Variants in EFTUD2 observed in about 807,000 individuals in gnomAD.
EFTUD2 encodes elongation factor Tu GTP binding domain containing 2.
In EFTUD2, 9 loss-of-function variants were observed where a neutral mutation model predicts 114.3. The ratio of observed to expected loss-of-function variants is 0.08; its 90% CI spans 0.05 to 0.14. EFTUD2 has a LOEUF of 0.14. Among genes scored for constraint, EFTUD2 ranks in the 10% least tolerant of loss-of-function variants. EFTUD2 has a pLI of 1.00. For synonymous variants in EFTUD2, 449 were observed against 462.3 expected (o/e 0.97, Z 0.37); for missense variants, 765 against 1,241.2 (o/e 0.62, Z 5.76).
At position 44,852,490 on chromosome 17, in the gene EFTUD2, G is replaced by A. The variant is rs200422220; in HGVS notation, c.2634C>T (p.Ile878=). The part of the protein sequence containing the change: ...LYTIKAFIPA[I]DSFGFETDLR... ...GATCAGTCTCAAAGCCAAAAGAGTC[G>A]ATGGCCGGGATAAAAGCTTTGATGG... The change falls in exon 26 of 28, where the codon ATC becomes ATT. Residue 878 remains isoleucine (I), a synonymous_variant. Transcript: ENST00000426333. The A allele has an allele frequency of 1.1e-5, 17 of 1,614,090 alleles. No individual in the cohort carries two copies. The highest frequency in any genetic ancestry group is 8.0e-5 in the African/African-American group (6 of 75,012).
chr17:44,881,155 T>C (rs748148759), intron 7 of EFTUD2, among the ~76,000 whole-genome samples: 3 of 152,112 alleles, frequency 2.0e-5, no homozygotes, highest in Admixed American at 6.5e-5. Flanking sequence ...ACCATACTTA[T>C]TATACTTAAA....
intron 15 of EFTUD2, 195 bp from the exon 16 acceptor site, chr17:44,863,101 T>G: frequency 2.3e-6 from 1 of 427,472 alleles, no homozygotes; most frequent in East Asian, 3.4e-5. Context: ...AGCAAAAATA[T>G]TCTCCTCTTT....
chr17:44,852,465 G>C lies in EFTUD2; in HGVS notation c.2659C>G (p.Leu887Val). ...AIDSFGFETD[L>V]RTHTQGQAFS... Reference sequence around the variant, plus strand: ...GCTTGTCCCTGGGTGTGAGTCCGGAGATCAGTCTCAAAGCCAAAAGAGTCG... The same window carrying C: ...GCTTGTCCCTGGGTGTGAGTCCGGACATCAGTCTCAAAGCCAAAAGAGTCG... The change falls in exon 26 of 28, where the codon CTC becomes GTC. Residue 887 changes from leucine (L) to valine (V), a missense_variant. Leu to Val is a conservative substitution (Grantham distance 32, BLOSUM62 1). Coordinates refer to ENST00000426333, the MANE Select transcript of EFTUD2 (RefSeq NM_004247.4). The C allele has an allele frequency of 6.2e-7, 1 of 1,614,134 alleles. No homozygotes were observed. Among genetic ancestry groups the C allele is most frequent in the Non-Finnish European group, 8.5e-7 (1 of 1,180,030 alleles).
chr17:44,854,098 C>G lies in EFTUD2; in HGVS notation c.2347+171G>C. On this transcript the variant is annotated intron_variant, in intron 23 of 27. Coordinates refer to ENST00000426333, the MANE Select transcript of EFTUD2 (RefSeq NM_004247.4). This position sits in a 1 kb window ranked among gnomAD's most constrained non-coding sequence, Gnocchi z 4.3. ...CTTAAATTTCCATTTCCAGGCTACACCACCAGGATAAGGAAGGAAAAGGGA... is the reference window on the plus strand; with the variant it reads ...CTTAAATTTCCATTTCCAGGCTACAGCACCAGGATAAGGAAGGAAAAGGGA... 1.4e-6 allele frequency: 2 copies of G among 1,432,948 alleles called. No homozygotes were observed. Among genetic ancestry groups the G allele is most frequent in the Non-Finnish European group, 1.8e-6 (2 of 1,090,890 alleles). 88.8% of individuals were successfully genotyped at this position (1,432,948 alleles called of 1,614,324 possible).
intron 17 of EFTUD2, 146 bp downstream of exon 17, chr17:44,860,286 G>T: frequency 1.3e-6 from 1 of 749,096 alleles, no homozygotes; most frequent in Non-Finnish European, 2.3e-6. Context: ...ACTGAGTACA[G>T]GGAGAATCCA....
At position 44,850,672 on chromosome 17, in the gene EFTUD2, A is replaced by C. The variant is rs2050431535; in HGVS notation, c.*602T>G. 1 of 357,778 alleles carries C rather than the reference A, an allele frequency of 2.8e-6. No homozygotes were observed. 22.2% of individuals were successfully genotyped at this position (357,778 alleles called of 1,614,324 possible). On this transcript the variant is annotated 3_prime_UTR_variant, in exon 28 of 28. Transcript: ENST00000426333. The stretch of plus-strand genomic sequence containing the variant: ...TGATCGCAGGAACCCAACAACTCCC[A>C]AGCCATCTTAGGTTCCACCCAGAAG...
intron 11 of EFTUD2, among the ~76,000 whole-genome samples, chr17:44,871,408 C>T (rs867978434): frequency 6.6e-6 from 1 of 151,226 alleles, no homozygotes; most frequent in Admixed American, 6.6e-5. Context: ...GGCGTGATCT[C>T]AGCTCACTGC....
At chr17:44,862,103 ATCC>A (rs2050669754) in intron 16 of EFTUD2, among the ~76,000 whole-genome samples, 1 of 152,172 alleles carries the variant, frequency 6.6e-6, no homozygotes, top group South Asian at 2.1e-4. Flanking sequence ...AACAATGGAA[ATCC>A]TCCTACAAAA....
At chr17:44,882,268 T>C (rs905647705) in intron 6 of EFTUD2, among the ~76,000 whole-genome samples, 2 of 151,790 alleles carry the variant, frequency 1.3e-5, no homozygotes, top group African/African-American at 4.8e-5. Context: ...TTGTCTTTTT[T>C]TGAGATGGAG....
In EFTUD2 at chr17:44,854,465, C is replaced by A. The variant is rs995923170; in HGVS notation, c.2259+91G>T. ...GGGGATACTGTCCTTCACCAGAGGA[C>A]ACAAGATACTTTTGGGAAAAGAACA... is the stretch of plus-strand genomic sequence containing the variant. On this transcript the variant is annotated intron_variant, in intron 22 of 27. Coordinates refer to ENST00000426333, the MANE Select transcript of EFTUD2 (RefSeq NM_004247.4). The surrounding 1 kb of genome is among the most constrained non-coding windows in gnomAD (Gnocchi z 4.3). The A allele has an allele frequency of 2.5e-6, 4 of 1,578,882 alleles. No individual in the cohort carries two copies. Among genetic ancestry groups the A allele is most frequent in the Non-Finnish European group, 8.6e-7 (1 of 1,159,284 alleles).
At position 44,859,546 on chromosome 17, in the gene EFTUD2, C is replaced by T. The variant is rs888800301; in HGVS notation, c.1860+359G>A. The T allele has an allele frequency of 1.4e-5, 7 of 497,254 alleles. No homozygotes were observed. In the East Asian group the frequency reaches 2.4e-4, roughly 17 times the overall value. The allele number at this position is 497,254 out of a possible 1,614,324, so 30.8% of individuals were successfully genotyped here. A position where few individuals can be genotyped will look rare whatever the true frequency, so the allele number is the denominator to read the frequency against. ...GTGTACAAGGATCAGAGTAACAACTCACTTTTCCTTCTCTTCTCGAGAAAA... is the reference window on the plus strand; with the variant it reads ...GTGTACAAGGATCAGAGTAACAACTTACTTTTCCTTCTCTTCTCGAGAAAA... On this transcript the variant is annotated intron_variant, in intron 18 of 27. Transcript: ENST00000426333.
Position 44,850,345 on chromosome 17 carries a change from A to C in EFTUD2, c.*929T>G. The C allele has an allele frequency of 1.2e-6, 2 of 1,612,858 alleles. No homozygotes were observed. Among genetic ancestry groups the C allele is most frequent in the Non-Finnish European group, 8.5e-7 (1 of 1,179,204 alleles). On this transcript the variant is annotated 3_prime_UTR_variant, in exon 28 of 28. Coordinates refer to ENST00000426333, the MANE Select transcript of EFTUD2 (RefSeq NM_004247.4). ...TCTCTCACACAGGTGCTGTGTACAC[A>C]ATGTACAGCGATTACGTCAAGAGGA... is the stretch of plus-strand genomic sequence containing the variant.
intron 14 of EFTUD2, 88 bp from the exon 15 acceptor site, chr17:44,863,870 G>A: frequency 1.3e-6 from 2 of 1,544,464 alleles, no homozygotes; most frequent in South Asian, 2.4e-5. Context: ...TGGTCAAAAA[G>A]CTCAAAGTGC....
At chr17:44,890,852 G>A (rs188449841) in intron 2 of EFTUD2, among the ~76,000 whole-genome samples, 169 of 152,302 alleles carry the variant, frequency 1.1e-3, no homozygotes, top group Non-Finnish European at 1.9e-3. Context: ...ATAAGCATAT[G>A]TAGATAGAGA....
chr17:44,850,532 G>A lies in EFTUD2; in HGVS notation c.*742C>T. 3.2e-6 allele frequency: 2 copies of A among 634,372 alleles called. No homozygotes were observed. The highest frequency in any genetic ancestry group is 2.6e-5 in the Admixed American group (1 of 38,292). The allele number at this position is 634,372 out of a possible 1,614,324, so 39.3% of individuals were successfully genotyped here. ...AGAGTAAGGGACTGGTGGTAGCTGG[G>A]GAGAGGACTTGGAGTAAATGGCTGG... On this transcript the variant is annotated 3_prime_UTR_variant, in exon 28 of 28. Transcript: ENST00000426333.
rs549001065 is a variant in EFTUD2, at chr17:44,865,197, T to C, written c.1150-132A>G. ...CTCTCTTCTATGGAGACAAAGCTCT[T>C]GGCAAGGACAAAAGTTTGGTTTCAG... On this transcript the variant is annotated intron_variant, in intron 13 of 27. Transcript: ENST00000426333. 3.4e-5 allele frequency: 45 copies of C among 1,335,624 alleles called. 1 individual carries two copies. Among genetic ancestry groups the C allele is most frequent in the Non-Finnish European group, 4.2e-5 (42 of 997,740 alleles). 82.7% of individuals were successfully genotyped at this position (1,335,624 alleles called of 1,614,324 possible).
At chr17:44,857,186 C>T (rs764579662) in intron 19 of EFTUD2, 29 bp from the exon 20 acceptor site, 15 of 1,604,458 alleles carry the variant, frequency 9.3e-6, no homozygotes, top group South Asian at 5.5e-5. Flanking sequence ...ATTACTGAAG[C>T]GAGGTCTAAT....
At chr17:44,856,415 T>G (rs962254785) in intron 20 of EFTUD2, among the ~76,000 whole-genome samples, 8 of 151,670 alleles carry the variant, frequency 5.3e-5, no homozygotes, top group African/African-American at 1.9e-4. Flanking sequence ...ATGTAATCCC[T>G]GCTACTGGGG....
At position 44,859,157 on chromosome 17, in the gene EFTUD2, T is replaced by C. The variant is rs2050610557; in HGVS notation, c.1885A>G (p.Ile629Val). Residue 629 changes from isoleucine (I) to valine (V), a missense_variant, in exon 19 of 28, where the codon ATC becomes GTC. Transcript: ENST00000426333. ...AGGTAGAGCTCCCCAGTGCCCAGGA[T>C]CACATGCTCGCCAGACTCCTCCACC... is the stretch of plus-strand genomic sequence containing the variant. ...TKVEESGEHVILGTGELYLDC... is the reference protein window; with the variant it reads ...TKVEESGEHVVLGTGELYLDC... The C allele has an allele frequency of 3.7e-6, 6 of 1,613,784 alleles. No homozygotes were observed. The highest frequency in any genetic ancestry group is 5.1e-6 in the Non-Finnish European group (6 of 1,179,838).
Sources: gnomAD v4.1 joint callset for allele counts (sites outside exome capture counted in the v4.1 genomes callset) on GRCh38, gnomAD v4.1.1 for gene constraint, Gnocchi (gnomAD v3.1) non-coding constraint, MANE v1.5 for transcripts, NCBI Gene and HGNC (gene_info 2026-07-23, HGNC 2026-07-21) for gene names.